RP1L1: variants seen among roughly 807,000 people sequenced by gnomAD.
RP1L1 encodes the protein retinitis pigmentosa 1-like 1 protein.
RP1L1 carries 27 observed loss-of-function variants against 15.7 expected under a neutral mutation model. The observed-to-expected ratio is 1.72, with a 90% CI of 1.27 to 2.38. RP1L1 has a LOEUF of 2.38. RP1L1 is among the 30% of genes most tolerant of loss of function. RP1L1 has a pLI of 0.00. For missense variants in RP1L1, 4,798 were observed against 3,075.9 expected, an observed-to-expected ratio of 1.56 and a Z score of -13.24; for synonymous variants, 1,813 against 1,276.7, an observed-to-expected ratio of 1.42 and a Z score of -8.96.
intron 2 of RP1L1, 25 bp from the exon 3 acceptor site, chr8:10,616,612 G>A: frequency 1.9e-6 from 3 of 1,602,002 alleles, no homozygotes; most frequent in South Asian, 1.1e-5. Flanking sequence ...GGCGGGGTCA[G>A]GAGGCCTGGG....
rs1669859971 is a variant in RP1L1, at chr8:10,606,682, A to G, written c.*213T>C. On this transcript the variant is annotated 3_prime_UTR_variant, in exon 4 of 4. Coordinates refer to ENST00000382483, the MANE Select transcript of RP1L1 (RefSeq NM_178857.6). ...ATCCGCAGACACCCCCTTTCTTCAC[A>G]CTGCGTGTGGGACGGGCCGCAGAGC... The G allele has an allele frequency of 1.3e-6, 1 of 744,432 alleles. No individual in the cohort carries two copies. Among genetic ancestry groups the G allele is most frequent in the Non-Finnish European group, 2.1e-6 (1 of 475,012 alleles). The allele number at this position is 744,432 out of a possible 1,614,324, so 46.1% of individuals were successfully genotyped here. A position where few individuals can be genotyped will look rare whatever the true frequency, so the allele number is the denominator to read the frequency against.
rs766785623 is a variant in RP1L1, at chr8:10,613,188, C to G, written c.910G>C (p.Val304Leu). ...TTCTTCTTCATGTCATCGCCAGCCA[C>G]CAGCGGGCCCGACTGAGCTGGCGTG... is the stretch of plus-strand genomic sequence containing the variant. ...QDTPAQSGPL[V>L]AGDDMKKKVR... Residue 304 changes from valine (V) to leucine (L), a missense_variant, in exon 4 of 4, where the codon GTG (valine) becomes CTG (leucine). Physicochemically the swap from Val to Leu is conservative, Grantham distance 32 (BLOSUM62 1). Coordinates refer to ENST00000382483, the MANE Select transcript of RP1L1 (RefSeq NM_178857.6). The G allele has an allele frequency of 6.2e-7, 1 of 1,613,668 alleles. No individual in the cohort carries two copies. Among genetic ancestry groups the G allele is most frequent in the Admixed American group, 1.7e-5 (1 of 60,030 alleles).
At chr8:10,633,020 G>A (rs1798275347) in intron 1 of RP1L1, among the ~76,000 whole-genome samples, 1 of 152,218 alleles carries the variant, frequency 6.6e-6, no homozygotes, top group Non-Finnish European at 1.5e-5. Context: ...CTCTGAAAGT[G>A]AGGGTCTGCA....
intron 1 of RP1L1, among the ~76,000 whole-genome samples, chr8:10,651,305 G>A (rs1049314591): frequency 1.3e-5 from 2 of 152,222 alleles, no homozygotes; most frequent in Admixed American, 6.5e-5. Context: ...TCACACATTT[G>A]AGGAGTGCTG....
At chr8:10,646,929 C>A (rs578147098) in intron 1 of RP1L1, among the ~76,000 whole-genome samples, 2 of 152,226 alleles carry the variant, frequency 1.3e-5, no homozygotes, top group African/African-American at 2.4e-5. Flanking sequence ...TGCCAACCTC[C>A]CCCCCTCAGT....
At position 10,651,838 on chromosome 8, in the gene RP1L1, C is replaced by T. The variant is rs151208051; in HGVS notation, c.-20+3060G>A. Reference sequence around the variant, plus strand: ...TCCCAAAGCATACAGTACACAGTCACGCAGCACACAATGGCATTTCTGTCA... The same window carrying T: ...TCCCAAAGCATACAGTACACAGTCATGCAGCACACAATGGCATTTCTGTCA... On this transcript the variant is annotated intron_variant, in intron 1 of 3. Transcript: ENST00000382483. Among the ~76,000 whole-genome samples, 1,281 of 151,962 alleles carry T rather than the reference C, an allele frequency of 8.4e-3. 5 individuals are homozygous for T. Among genetic ancestry groups the T allele is most frequent in the Middle Eastern group, 0.031 (9 of 286 alleles).
rs571974626 is a variant in RP1L1, at chr8:10,642,246, C to A, written c.-20+12652G>T. 4.7e-5 allele frequency among the ~76,000 whole-genome samples: 7 copies of A among 148,406 alleles called. No homozygotes were observed. The East Asian group carries it at 1.2e-3, about 25-fold the overall frequency. ...GATGTATGGTAAAGACTGTTCATAT[C>A]TACTCTTCTTTTTTTCTTACTCACT... On this transcript the variant is annotated intron_variant, in intron 1 of 3. Transcript: ENST00000382483.
chr8:10,637,967 G>T (rs1798354504), intron 1 of RP1L1, among the ~76,000 whole-genome samples: 1 of 152,198 alleles, frequency 6.6e-6, no homozygotes, highest in Non-Finnish European at 1.5e-5. Context: ...CCAGGGCTGG[G>T]TCCCCTTTGC....
chr8:10,646,190 G>A (rs1798475316), intron 1 of RP1L1, among the ~76,000 whole-genome samples: 1 of 152,218 alleles, frequency 6.6e-6, no homozygotes, highest in Admixed American at 6.5e-5. Flanking sequence ...GCTGTGCCGA[G>A]GACCTGGCAT....
intron 2 of RP1L1, among the ~76,000 whole-genome samples, chr8:10,618,269 G>A (rs1340876198): frequency 6.6e-6 from 1 of 152,164 alleles, no homozygotes; most frequent in Non-Finnish European, 1.5e-5. Flanking sequence ...GGGGGCCGAG[G>A]TGGGTAGATC....
rs868712873 is a variant in RP1L1 at position 10,608,782 on chromosome 8, T to C, written c.5316A>G (p.Arg1772=). The change falls in exon 4 of 4, where the codon AGA becomes AGG. Residue 1772 remains arginine, a synonymous_variant. Transcript: ENST00000382483. ...TTTCACTGTTGTGGGTTTTCCCTTC[T>C]CTCTCCTGAGCCATTGCATCTCCCT... ...EAEGDAMAQE[R]EGKTHNSETS... 3 of 1,614,044 alleles carry C rather than the reference T, an allele frequency of 1.9e-6. No individual in the cohort carries two copies. In the African/African-American group the frequency reaches 4.0e-5, roughly 22 times the overall value.
At chr8:10,619,463 A>T (rs1420419624) in intron 2 of RP1L1, among the ~76,000 whole-genome samples, 1 of 152,178 alleles carries the variant, frequency 6.6e-6, no homozygotes, top group East Asian at 1.9e-4. Context: ...GAGCACAGTC[A>T]TTCCAGAGGC....
At chr8:10,631,946 C>G (rs746236547) in intron 1 of RP1L1, among the ~76,000 whole-genome samples, 5 of 152,234 alleles carry the variant, frequency 3.3e-5, no homozygotes, top group Non-Finnish European at 5.9e-5. Context: ...CCTGCTTTCT[C>G]TGACACTTGC....
chr8:10,651,876 A>G (rs960505474), intron 1 of RP1L1, among the ~76,000 whole-genome samples: 2 of 152,148 alleles, frequency 1.3e-5, no homozygotes, highest in Non-Finnish European at 2.9e-5. Context: ...GACAGACCTC[A>G]TCAATGACAG....
chr8:10,626,581 C>T (rs1201512354), intron 1 of RP1L1, among the ~76,000 whole-genome samples: 1 of 152,114 alleles, frequency 6.6e-6, no homozygotes, highest in Non-Finnish European at 1.5e-5. Context: ...CTCGCACTTG[C>T]CACAGGTCAT....
rs777062581 is a variant in RP1L1 at position 10,607,990 on chromosome 8, C to T, written c.6108G>A (p.Glu2036=). Reference sequence around the variant, plus strand: ...CTGTCTTCTGGGTCTCCCCTTCAACCTCCTGGGCCTCTTCACCTTCTGACT... The same window carrying T: ...CTGTCTTCTGGGTCTCCCCTTCAACTTCCTGGGCCTCTTCACCTTCTGACT... ...QPKSEGEEAQ[E]VEGETQKTEG... The change falls in exon 4 of 4, where the codon GAG becomes GAA. Residue 2036 remains glutamate (E), a synonymous_variant. Transcript: ENST00000382483. The T allele has an allele frequency of 1.6e-5, 26 of 1,608,130 alleles. No individual in the cohort carries two copies. Among genetic ancestry groups the T allele is most frequent in the Non-Finnish European group, 2.1e-5 (25 of 1,178,676 alleles).
At chr8:10,614,660 T>TGA (rs1797936159) in intron 3 of RP1L1, among the ~76,000 whole-genome samples, 1 of 49,192 alleles carries the variant, frequency 2.0e-5, no homozygotes, top group Non-Finnish European at 3.9e-5. Flanking sequence ...GATTCTGTCG[T>TGA]CAAAAAAAAA....
intron 1 of RP1L1, among the ~76,000 whole-genome samples, chr8:10,654,069 C>T (rs1346443176): frequency 6.6e-6 from 1 of 152,140 alleles, no homozygotes; most frequent in African/African-American, 2.4e-5. Context: ...GGACAGTTAG[C>T]TGCAGCCGCG....
rs1229551713 is a variant in RP1L1, at chr8:10,610,271, G to A, written c.3827C>T (p.Ala1276Val). 1 of 1,614,146 alleles carries A rather than the reference G, an allele frequency of 6.2e-7. No individual in the cohort carries two copies. Among genetic ancestry groups the A allele is most frequent in the Non-Finnish European group, 8.5e-7 (1 of 1,180,040 alleles). Residue 1276 changes from alanine (A) to valine (V), a missense_variant, in exon 4 of 4, where the codon GCA becomes GTA. Coordinates refer to ENST00000382483, the MANE Select transcript of RP1L1 (RefSeq NM_178857.6). ...ACACATNEDE[A>V]ERDSEEQRAS... is the part of the protein sequence containing the mutation. Reference sequence around the variant, plus strand: ...CCTCTGCTCCTCACTGTCTCTTTCTGCTTCATCCTCATTGGTGGCACAAGC... The same window carrying A: ...CCTCTGCTCCTCACTGTCTCTTTCTACTTCATCCTCATTGGTGGCACAAGC...
Sources: gnomAD v4.1 joint callset for allele counts (sites outside exome capture counted in the v4.1 genomes callset) on GRCh38, gnomAD v4.1.1 for gene constraint, MANE v1.5 for transcripts, NCBI Gene and HGNC (gene_info 2026-07-23, HGNC 2026-07-21) for gene names.